Variants in QTMAN observed in about 807,000 individuals in gnomAD.
QTMAN encodes tRNA-queuosine alpha-mannosyltransferase.
At chr2:144,074,911 T>C in the QTMAN span, among the ~76,000 whole-genome samples, 2 of 152,218 alleles carry the variant, frequency 1.3e-5, no homozygotes, top group Non-Finnish European at 2.9e-5. Context: ...AACTAAATTA[T>C]CCAATCACTT....
chr2:144,067,557 G>A, the QTMAN span, among the ~76,000 whole-genome samples: 1 of 152,194 alleles, frequency 6.6e-6, no homozygotes, highest in Non-Finnish European at 1.5e-5. Context: ...GTGACTAGTA[G>A]AAAAAGGATT....
the QTMAN span, among the ~76,000 whole-genome samples, chr2:144,130,534 A>G: frequency 6.6e-6 from 1 of 151,994 alleles, no homozygotes; most frequent in Non-Finnish European, 1.5e-5. Flanking sequence ...AGAAAATTAA[A>G]GACATTACAT....
the QTMAN span, among the ~76,000 whole-genome samples, chr2:144,060,485 T>C: frequency 6.6e-6 from 1 of 152,180 alleles, no homozygotes; most frequent in Non-Finnish European, 1.5e-5. Context: ...GGTCTCAAAC[T>C]CCTGACCTCA....
chr2:144,219,533 G>C, the QTMAN span, among the ~76,000 whole-genome samples: 1 of 151,852 alleles, frequency 6.6e-6, no homozygotes, highest in African/African-American at 2.4e-5. Flanking sequence ...TTTTAAAGCT[G>C]TATCAGACCA....
chr2:144,125,142 G>A, the QTMAN span, among the ~76,000 whole-genome samples: 58 of 151,906 alleles, frequency 3.8e-4, no homozygotes, highest in African/African-American at 5.6e-4. Context: ...TAGAATCCTC[G>A]ACAAGCTCCA....
At chr2:144,246,068 T>C in the QTMAN span, among the ~76,000 whole-genome samples, 1 of 152,164 alleles carries the variant, frequency 6.6e-6, no homozygotes, top group Non-Finnish European at 1.5e-5. Flanking sequence ...ATTATGTCAC[T>C]TCCTCCAACC....
chr2:144,256,711 G>A, the QTMAN span, among the ~76,000 whole-genome samples: 1 of 152,046 alleles, frequency 6.6e-6, no homozygotes, highest in East Asian at 1.9e-4. Flanking sequence ...CGGGTGGAGG[G>A]AAAGGGGAGG....
the QTMAN span, among the ~76,000 whole-genome samples, chr2:144,254,190 G>A: frequency 2.0e-5 from 3 of 152,342 alleles, no homozygotes; most frequent in East Asian, 3.9e-4. Flanking sequence ...GGGAGGCCAA[G>A]ACGAGCAGAT....
the QTMAN span, among the ~76,000 whole-genome samples, chr2:144,315,230 G>A: frequency 2.0e-5 from 3 of 152,146 alleles, no homozygotes; most frequent in African/African-American, 7.2e-5. Context: ...TACTTCTCGA[G>A]GATGGCAAGG....
the QTMAN span, among the ~76,000 whole-genome samples, chr2:144,175,655 A>G: frequency 2.0e-5 from 3 of 150,698 alleles, no homozygotes; most frequent in Non-Finnish European, 4.4e-5. Flanking sequence ...CTATTTATCT[A>G]TATATATATA....
At chr2:144,101,812 C>G in the QTMAN span, among the ~76,000 whole-genome samples, 7 of 152,004 alleles carry the variant, frequency 4.6e-5, no homozygotes, top group Admixed American at 1.3e-4. Flanking sequence ...TCAAAATAAA[C>G]ATTTTGGTTT....
the QTMAN span, among the ~76,000 whole-genome samples, chr2:144,056,797 T>C: frequency 3.3e-5 from 5 of 152,248 alleles, no homozygotes; most frequent in Admixed American, 2.0e-4. Context: ...TCCGTGAACC[T>C]GGCTTTGAGA....
the QTMAN span, among the ~76,000 whole-genome samples, chr2:144,062,234 T>C: frequency 6.6e-6 from 1 of 152,204 alleles, no homozygotes; most frequent in Non-Finnish European, 1.5e-5. Context: ...CCCCGCCTCC[T>C]GCACCTGTTC....
chr2:144,050,752 G>C, the QTMAN span, among the ~76,000 whole-genome samples: 12 of 151,868 alleles, frequency 7.9e-5, no homozygotes, highest in African/African-American at 2.7e-4. Flanking sequence ...AGCTGTGTTG[G>C]TGAAGTTGGT....
chr2:144,304,880 G>C, the QTMAN span, among the ~76,000 whole-genome samples: 2 of 152,312 alleles, frequency 1.3e-5, no homozygotes, highest in East Asian at 3.9e-4. Context: ...AAATGACACT[G>C]AGAGCATCTA....
chr2:144,049,227 A>G, the QTMAN span, among the ~76,000 whole-genome samples: 1 of 152,200 alleles, frequency 6.6e-6, no homozygotes, highest in South Asian at 2.1e-4. Flanking sequence ...AATTTACACC[A>G]AAAACATGCT....
the QTMAN span, among the ~76,000 whole-genome samples, chr2:144,225,893 C>T: frequency 6.6e-6 from 1 of 152,278 alleles, no homozygotes; most frequent in Non-Finnish European, 1.5e-5. Context: ...GATCTCAATT[C>T]CTTGGCAGCA....
chr2:143,971,885 T>C, the QTMAN span, among the ~76,000 whole-genome samples: 2 of 152,178 alleles, frequency 1.3e-5, no homozygotes, highest in African/African-American at 4.8e-5. Flanking sequence ...CTAAATGTGT[T>C]AATTCACAAT....
the QTMAN span, among the ~76,000 whole-genome samples, chr2:144,050,376 C>CT: frequency 2.4e-3 from 358 of 151,932 alleles, no homozygotes; most frequent in African/African-American, 8.2e-3. Context: ...TTCTAATAAT[C>CT]AGAGTTGCCC....
Sources: gnomAD v4.1 joint callset for allele counts (sites outside exome capture counted in the v4.1 genomes callset) on GRCh38, gnomAD v4.1.1 for gene constraint, MANE v1.5 for transcripts, NCBI Gene and HGNC (gene_info 2026-07-23, HGNC 2026-07-21) for gene names.